GRIN2A: variants seen among roughly 807,000 people sequenced by gnomAD.
GRIN2A encodes glutamate receptor ionotropic, NMDA 2A.
A neutral mutation model predicts 113.4 loss-of-function variants in GRIN2A; 22 were observed. The observed-to-expected ratio is 0.19, with a 90% CI of 0.14 to 0.28. The LOEUF is 0.28. GRIN2A is among the 10% of genes least tolerant of loss of function. The pLI is 1.00. For missense variants in GRIN2A, 1,502 were observed against 1,887.0 expected (o/e 0.80, Z 3.78); for synonymous variants, 827 against 738.4 (o/e 1.12, Z -1.94).
intron 2 of GRIN2A, among the ~76,000 whole-genome samples, chr16:10,055,850 T>C (rs2047448951): frequency 6.6e-6 from 1 of 152,216 alleles, no homozygotes; most frequent in Admixed American, 6.5e-5. Flanking sequence ...AAATGTTAAA[T>C]AAATAATAAT....
chr16:9,788,769 G>A (rs1381714223), intron 11 of GRIN2A, among the ~76,000 whole-genome samples: 1 of 138,046 alleles, frequency 7.2e-6, no homozygotes, highest in Non-Finnish European at 1.5e-5. Context: ...CTGAGACAGA[G>A]TCTCATTTTG....
intron 7 of GRIN2A, among the ~76,000 whole-genome samples, chr16:9,834,680 C>A (rs929395340): frequency 3.9e-5 from 6 of 152,184 alleles, no homozygotes; most frequent in African/African-American, 1.4e-4. Flanking sequence ...CTGCTCCTGG[C>A]CAGCCAGACA....
intron 2 of GRIN2A, among the ~76,000 whole-genome samples, chr16:9,972,796 CA>C (rs2045698975): frequency 6.6e-6 from 1 of 152,170 alleles, no homozygotes; most frequent in African/African-American, 2.4e-5. Flanking sequence ...ACTGTCTAGA[CA>C]GAGCCGATTT....
Position 9,763,059 on chromosome 16 carries a change from G to T in GRIN2A, c.*90C>A. On this transcript the variant is annotated 3_prime_UTR_variant, in exon 13 of 13. Transcript: ENST00000330684. ...ACCTCCCTACATCTTCTTCCTCTTA[G>T]CAGGGCACTATTGGACATCCAACAT... The T allele has an allele frequency of 7.6e-7, 1 of 1,313,242 alleles. No homozygotes were observed. The highest frequency in any genetic ancestry group is 1.2e-5 in the South Asian group (1 of 82,846). 81.3% of individuals were successfully genotyped at this position (1,313,242 alleles called of 1,614,324 possible).
In GRIN2A at chr16:9,763,799, C is replaced by T. The variant is rs754286517; in HGVS notation, c.3745G>A (p.Asp1249Asn). ...CLRMGNLYDI[D>N]EDQMLQETGN... ...GTCTCCTGAAGCATCTGGTCTTCATCGATGTCATAGAGGTTCCCCATCCGC... is the reference window on the plus strand; with the variant it reads ...GTCTCCTGAAGCATCTGGTCTTCATTGATGTCATAGAGGTTCCCCATCCGC... The change falls in exon 13 of 13, where the codon GAT (aspartate) becomes AAT (asparagine). Residue 1249 changes from aspartate (D) to asparagine (N), a missense_variant. Coordinates refer to ENST00000330684, the MANE Select transcript of GRIN2A (RefSeq NM_001134407.3). 1.2e-6 allele frequency: 2 copies of T among 1,614,102 alleles called. No homozygotes were observed. Among genetic ancestry groups the T allele is most frequent in the South Asian group, 1.1e-5 (1 of 91,072 alleles).
chr16:9,990,331 G>A (rs78668837), intron 2 of GRIN2A, among the ~76,000 whole-genome samples: 1 of 152,044 alleles, frequency 6.6e-6, no homozygotes, highest in Non-Finnish European at 1.5e-5. Flanking sequence ...AACTAAAATT[G>A]GGTGCTCATG....
At chr16:10,153,938 C>A (rs570626382) in intron 2 of GRIN2A, among the ~76,000 whole-genome samples, 2 of 152,330 alleles carry the variant, frequency 1.3e-5, no homozygotes, top group South Asian at 2.1e-4. Flanking sequence ...ACCCTCCTCC[C>A]ACGTATTCAC....
intron 11 of GRIN2A, among the ~76,000 whole-genome samples, chr16:9,797,512 C>T (rs1296018789): frequency 1.3e-5 from 2 of 152,188 alleles, no homozygotes; most frequent in African/African-American, 4.8e-5. Context: ...CTATAAATGC[C>T]ACAGTCTCAT....
intron 2 of GRIN2A, among the ~76,000 whole-genome samples, chr16:10,002,794 T>G (rs890765881): frequency 2.6e-5 from 4 of 152,234 alleles, no homozygotes; most frequent in Non-Finnish European, 5.9e-5. Flanking sequence ...AAAATCTTCC[T>G]ATTTTAACAG....
intron 2 of GRIN2A, among the ~76,000 whole-genome samples, chr16:10,158,485 A>T (rs2049748132): frequency 6.6e-6 from 1 of 152,226 alleles, no homozygotes; most frequent in South Asian, 2.1e-4. Flanking sequence ...TTATAGCAGC[A>T]CCATTCACAA....
At chr16:10,136,892 G>A (rs958504339) in intron 2 of GRIN2A, among the ~76,000 whole-genome samples, 2 of 152,198 alleles carry the variant, frequency 1.3e-5, no homozygotes, top group African/African-American at 4.8e-5. Flanking sequence ...ACTGGTAAGA[G>A]GAAAGAGAAG....
At chr16:9,913,747 A>G (rs1036742512) in intron 3 of GRIN2A, among the ~76,000 whole-genome samples, 9 of 152,180 alleles carry the variant, frequency 5.9e-5, no homozygotes, top group Admixed American at 5.2e-4. Flanking sequence ...GAGCTATTTG[A>G]TGTTCTAGGT....
At chr16:10,052,548 G>A (rs1302270287) in intron 2 of GRIN2A, among the ~76,000 whole-genome samples, 1 of 152,184 alleles carries the variant, frequency 6.6e-6, no homozygotes, top group Non-Finnish European at 1.5e-5. Context: ...CAGGGAGAGG[G>A]GTGGGCTAAG....
chr16:9,956,660 T>G (rs2045319114), intron 2 of GRIN2A, among the ~76,000 whole-genome samples: 1 of 152,202 alleles, frequency 6.6e-6, no homozygotes, highest in African/African-American at 2.4e-5. Context: ...AGACAAATAT[T>G]AATTAAACAA....
At chr16:10,034,901 T>C (rs2046997293) in intron 2 of GRIN2A, among the ~76,000 whole-genome samples, 1 of 152,208 alleles carries the variant, frequency 6.6e-6, no homozygotes. Flanking sequence ...TATACCCAAA[T>C]TACACATTGA....
chr16:9,887,099 T>C (rs766874360), intron 4 of GRIN2A, among the ~76,000 whole-genome samples: 8 of 152,116 alleles, frequency 5.3e-5, no homozygotes, highest in Non-Finnish European at 1.0e-4. Flanking sequence ...GTTGCCCAGG[T>C]TGGTCTTGAA....
At chr16:10,175,547 T>G (rs1237961674) in intron 2 of GRIN2A, among the ~76,000 whole-genome samples, 1 of 152,234 alleles carries the variant, frequency 6.6e-6, no homozygotes, top group Non-Finnish European at 1.5e-5. Context: ...ATTTCCTAAG[T>G]GCTCTACAAT....
At chr16:9,909,902 C>A (rs1027163586) in intron 3 of GRIN2A, among the ~76,000 whole-genome samples, 5 of 152,212 alleles carry the variant, frequency 3.3e-5, no homozygotes, top group African/African-American at 1.2e-4. Flanking sequence ...AACAATACCA[C>A]AGAGGGCTTA....
At chr16:9,997,542 G>A (rs1488014085) in intron 2 of GRIN2A, among the ~76,000 whole-genome samples, 1 of 152,016 alleles carries the variant, frequency 6.6e-6, no homozygotes, top group Admixed American at 6.6e-5. Context: ...AAGCCCTCTT[G>A]ACTGCCATCC....
Sources: allele counts gnomAD v4.1 joint callset (sites outside exome capture counted in the v4.1 genomes callset), GRCh38; gene constraint gnomAD v4.1.1; transcripts MANE v1.5; gene names NCBI Gene and HGNC (gene_info 2026-07-23, HGNC 2026-07-21).